Variants in NPAS2 observed in about 807,000 individuals in gnomAD.
The protein encoded by NPAS2 is neuronal PAS domain-containing protein 2.
A neutral mutation model predicts 107.5 loss-of-function variants in NPAS2; 23 were observed. The observed-to-expected ratio is 0.21, with a 90% confidence interval of 0.15 to 0.30. The LOEUF is 0.30. NPAS2 is among the 10% of genes least tolerant of loss of function. The pLI is 1.00. For synonymous variants in NPAS2, 403 were observed against 417.5 expected (o/e 0.97, Z 0.42); for missense variants, 756 against 1,043.3 (o/e 0.72, Z 3.79).
In NPAS2 at chr2:100,995,429, G is replaced by A. The variant is rs774260658; in HGVS notation, c.2322G>A (p.Glu774=). The A allele has an allele frequency of 6.2e-6, 10 of 1,613,700 alleles. No homozygotes were observed. Among genetic ancestry groups the A allele is most frequent in the African/African-American group, 1.3e-5 (1 of 74,862 alleles). The change falls in exon 21 of 21, where the codon GAG becomes GAA. Residue 774 remains glutamate (E), a synonymous_variant. Coordinates refer to ENST00000335681, the MANE Select transcript of NPAS2 (RefSeq NM_002518.4). ...AGGCACCAACCTCTTTGCACAGTGAGCAGCAGGACTCGCTACTTCTCTCCA... is the reference window on the plus strand; with the variant it reads ...AGGCACCAACCTCTTTGCACAGTGAACAGCAGGACTCGCTACTTCTCTCCA... ...QVQAPTSLHS[E]QQDSLLLSTY...
rs192556552 is a variant in NPAS2, at chr2:100,852,354, A to G, written c.-23+31940A>G. The stretch of plus-strand genomic sequence containing the variant: ...AGAGCTTGCAGTGAGCTGAGATCGC[A>G]CCACTGCGCTCCAGCCTGGGTGACA... On this transcript the variant is annotated intron_variant, in intron 1 of 20. Coordinates refer to ENST00000335681, the MANE Select transcript of NPAS2 (RefSeq NM_002518.4). Among the ~76,000 whole-genome samples, 191 of 152,134 alleles carry G rather than the reference A, an allele frequency of 1.3e-3. 1 individual carries two copies. Among genetic ancestry groups the G allele is most frequent in the African/African-American group, 4.0e-3 (167 of 41,526 alleles).
intron 1 of NPAS2, among the ~76,000 whole-genome samples, chr2:100,894,454 A>G (rs1202844408): frequency 1.3e-5 from 2 of 152,162 alleles, no homozygotes; most frequent in East Asian, 1.9e-4. Context: ...CGTGATTTCA[A>G]TCACAAAAGC....
chr2:100,894,719 G>C (rs1384723184), intron 1 of NPAS2, among the ~76,000 whole-genome samples: 1 of 152,198 alleles, frequency 6.6e-6, no homozygotes, highest in East Asian at 1.9e-4. Flanking sequence ...GAATGTCCTG[G>C]CCTGGTCTGG....
At chr2:100,859,855 C>G (rs78436979) in intron 1 of NPAS2, among the ~76,000 whole-genome samples, 1,554 of 152,256 alleles carry the variant, frequency 0.01, 28 homozygotes, top group African/African-American at 0.036. Flanking sequence ...TCCTTATAGC[C>G]TTTGCTAAGA....
chr2:100,906,459 A>G (rs1396638008), intron 2 of NPAS2, among the ~76,000 whole-genome samples: 2 of 152,236 alleles, frequency 1.3e-5, no homozygotes, highest in Admixed American at 6.5e-5. Flanking sequence ...ATGTAAGGGT[A>G]GTAGTGTCTG....
At chr2:100,963,318 G>T (rs1245561679) in intron 7 of NPAS2, among the ~76,000 whole-genome samples, 3 of 152,228 alleles carry the variant, frequency 2.0e-5, no homozygotes, top group Admixed American at 2.0e-4. Context: ...ACTGATTATA[G>T]AATTCACCTT....
chr2:100,857,732 G>A (rs940673655), intron 1 of NPAS2, among the ~76,000 whole-genome samples: 7 of 152,212 alleles, frequency 4.6e-5, no homozygotes, highest in South Asian at 4.1e-4. Context: ...CTGTGCACCC[G>A]GCGTCTGCTA....
rs1221455818 is a variant in NPAS2, at chr2:100,925,201, A to C, written c.88A>C (p.Lys30Gln). 38 of 1,614,060 alleles carry C rather than the reference A, an allele frequency of 2.4e-5. No individual in the cohort carries two copies. The highest frequency in any genetic ancestry group is 2.8e-5 in the Non-Finnish European group (33 of 1,180,026). Residue 30 changes from lysine (K) to glutamine (Q), a missense_variant, in exon 3 of 21, where the codon AAA becomes CAA. Around this residue, in one of 4 missense-constraint regions of NPAS2, gnomAD observed 146 missense variants for 249.6 expected, o/e 0.58. Transcript: ENST00000335681. Reference protein sequence around the residue: ...KRRDQFNVLIKELSSMLPGNT... With the variant: ...KRRDQFNVLIQELSSMLPGNT... ...TCGGGACCAGTTCAATGTTCTCATC[A>C]AAGAGCTCAGTTCCATGCTCCCTGG...
In NPAS2 at chr2:100,988,173, C is replaced by T. The variant is rs145408736; in HGVS notation, c.1724C>T (p.Thr575Ile). The T allele has an allele frequency of 1.1e-4, 175 of 1,614,126 alleles. No homozygotes were observed. Among genetic ancestry groups the T allele is most frequent in the Middle Eastern group, 6.6e-4 (4 of 6,084 alleles). Residue 575 changes from threonine to isoleucine, a missense_variant, in exon 17 of 21, where the codon ACT becomes ATT. By Grantham distance (89) the Thr-to-Ile change is moderately conservative. This residue lies in a region of NPAS2 where 496 missense variants were observed against 594.4 expected (regional missense o/e 0.83). Coordinates refer to ENST00000335681, the MANE Select transcript of NPAS2 (RefSeq NM_002518.4). The stretch of plus-strand genomic sequence containing the variant: ...CTACAGCAAAGGTCAGCTGCAGTGA[C>T]TCAGCCCCAGCTCGGGGCGGGCCCC... The part of the protein sequence containing the change: ...QQLQQRSAAV[T>I]QPQLGAGPQL...
At chr2:100,821,412 C>G (rs1457763320) in intron 1 of NPAS2, among the ~76,000 whole-genome samples, 1 of 151,988 alleles carries the variant, frequency 6.6e-6, no homozygotes, top group East Asian at 1.9e-4. Context: ...CGTCTTTACG[C>G]GTTGCTTTGG....
intron 1 of NPAS2, among the ~76,000 whole-genome samples, chr2:100,852,237 A>G (rs1279917178): frequency 2.0e-5 from 3 of 152,018 alleles, no homozygotes; most frequent in Non-Finnish European, 2.9e-5. Context: ...TCTCCTAAAA[A>G]ATACAAAAAA....
intron 12 of NPAS2, among the ~76,000 whole-genome samples, chr2:100,971,823 G>A (rs890655796): frequency 1.2e-4 from 18 of 151,650 alleles, no homozygotes; most frequent in African/African-American, 3.4e-4. Context: ...CCTGTTCCTC[G>A]GAGTCCATTC....
At chr2:100,987,855 A>G in intron 16 of NPAS2, 1 of 592,636 alleles carries the variant, frequency 1.7e-6, no homozygotes, top group Non-Finnish European at 3.0e-6. Context: ...TGTAACCTTC[A>G]TGAAGGCAGA....
At chr2:100,939,671 C>T (rs1674464652) in intron 5 of NPAS2, among the ~76,000 whole-genome samples, 1 of 152,134 alleles carries the variant, frequency 6.6e-6, no homozygotes, top group African/African-American at 2.4e-5. Flanking sequence ...CCACACGTGG[C>T]CTGCTTATTG....
chr2:100,990,740 G>C, intron 18 of NPAS2, 40 bp from the exon 19 acceptor site: 6 of 1,568,752 alleles, frequency 3.8e-6, no homozygotes, highest in Non-Finnish European at 4.4e-6. Context: ...CTGTGGTTCA[G>C]GTGCTGATCA....
chr2:100,890,523 G>A (rs1680984222), intron 1 of NPAS2, among the ~76,000 whole-genome samples: 1 of 152,054 alleles, frequency 6.6e-6, no homozygotes, highest in Admixed American at 6.5e-5. Flanking sequence ...GTACCCTCAG[G>A]TCATCAGGCC....
chr2:100,957,654 C>T (rs1273015923), intron 7 of NPAS2, among the ~76,000 whole-genome samples: 2 of 152,228 alleles, frequency 1.3e-5, no homozygotes, highest in Non-Finnish European at 2.9e-5. Context: ...CTGCCGGGCG[C>T]GGTGGCTCGC....
At chr2:100,905,681 C>T (rs1052166941) in intron 2 of NPAS2, among the ~76,000 whole-genome samples, 7 of 152,138 alleles carry the variant, frequency 4.6e-5, no homozygotes, top group African/African-American at 1.7e-4. Context: ...TGATCTCACC[C>T]CTTTCTGCCT....
At chr2:100,840,736 G>A (rs1045818107) in intron 1 of NPAS2, among the ~76,000 whole-genome samples, 1 of 152,098 alleles carries the variant, frequency 6.6e-6, no homozygotes, top group Non-Finnish European at 1.5e-5. Flanking sequence ...TTTCACAGTG[G>A]TGGGGCAGGG....
Sources: gnomAD v4.1 joint callset for allele counts (sites outside exome capture counted in the v4.1 genomes callset) on GRCh38, gnomAD v4.1.1 for gene constraint, gnomAD v4.1.1 regional missense constraint, MANE v1.5 for transcripts, NCBI Gene and HGNC (gene_info 2026-07-23, HGNC 2026-07-21) for gene names.